Variants in ZNF69 observed in about 807,000 individuals in gnomAD.
The protein encoded by ZNF69 is zinc finger protein 69.
Under a neutral mutation model 50.9 loss-of-function variants are expected in ZNF69, and 47 were observed. The observed-to-expected ratio is 0.92, with a 90% CI of 0.73 to 1.18. The LOEUF (loss-of-function observed/expected upper bound fraction) is 1.18. Ranked by LOEUF, ZNF69 falls within the 50% of genes most tolerant of loss-of-function variation. The pLI, the probability that ZNF69 is intolerant of heterozygous loss-of-function variation, is 0.00. For synonymous variants in ZNF69, 216 were observed against 223.1 expected (o/e 0.97, Z 0.29); for missense variants, 717 against 675.1 (o/e 1.06, Z -0.69).
the ZNF69 span, among the ~76,000 whole-genome samples, chr19:11,967,840 T>A: frequency 6.6e-6 from 1 of 152,244 alleles, no homozygotes; most frequent in Non-Finnish European, 1.5e-5. Context: ...ATGTAAAGAC[T>A]AAACTAAGCT....
the ZNF69 span, among the ~76,000 whole-genome samples, chr19:11,921,754 C>T: frequency 2.0e-5 from 3 of 152,072 alleles, no homozygotes; most frequent in African/African-American, 7.2e-5. Flanking sequence ...CCACCTGCCT[C>T]GACCTCCCAA....
At chr19:11,978,017 C>G in the ZNF69 span, 1 of 1,440,782 alleles carries the variant, frequency 6.9e-7, no homozygotes, top group Non-Finnish European at 9.4e-7. Flanking sequence ...GGGCAGAAAG[C>G]CTACACCTTG....
chr19:11,965,060 G>C, the ZNF69 span: 1 of 975,276 alleles, frequency 1.0e-6, no homozygotes, highest in Non-Finnish European at 1.6e-6. Context: ...CTTTGTCCTT[G>C]CGCAGCCGGT....
chr19:11,950,334 AT>A, the ZNF69 span: 2 of 1,419,650 alleles, frequency 1.4e-6, no homozygotes, highest in Non-Finnish European at 9.7e-7. Flanking sequence ...AAACTTTCAC[AT>A]TTTCCAGTTC....
chr19:11,980,128 T>C, the ZNF69 span: 1 of 828,260 alleles, frequency 1.2e-6, no homozygotes, highest in Non-Finnish European at 1.9e-6. Context: ...ATGGTAGGAC[T>C]CACACTGGAT....
chr19:11,919,802 T>C, the ZNF69 span, among the ~76,000 whole-genome samples: 2 of 152,184 alleles, frequency 1.3e-5, no homozygotes, highest in African/African-American at 4.8e-5. Flanking sequence ...AGGAACAAAA[T>C]TGCTGGCAGC....
At chr19:11,935,261 G>C in the ZNF69 span, among the ~76,000 whole-genome samples, 20 of 110,656 alleles carry the variant, frequency 1.8e-4, no homozygotes, top group Non-Finnish European at 3.3e-4. Context: ...TTTTGAGACT[G>C]TGTCTGGCTC....
Position 11,905,690 on chromosome 19 carries a change from T to C in ZNF69, c.1293T>C (p.Leu431=), listed in dbSNP as rs995821631. Residue 431 remains leucine (L), a synonymous_variant, in exon 4 of 4, where the codon CTT becomes CTC. Coordinates refer to ENST00000429654, the MANE Select transcript of ZNF69 (RefSeq NM_001364730.1). The stretch of plus-strand genomic sequence containing the variant: ...AGGCCTTCAGATCTTCCTCACACCT[T>C]CAATTGCATGGTAGGACTCACACTG... ...CGKAFRSSSH[L]QLHGRTHTGE... The C allele has an allele frequency of 6.2e-7, 1 of 1,613,674 alleles. No homozygotes were observed. The highest frequency in any genetic ancestry group is 1.3e-5 in the African/African-American group (1 of 74,796).
At chr19:11,968,648 C>A in the ZNF69 span, among the ~76,000 whole-genome samples, 1 of 152,086 alleles carries the variant, frequency 6.6e-6, no homozygotes, top group Non-Finnish European at 1.5e-5. Flanking sequence ...ATTTAATATT[C>A]TAGCTGAAGA....
At chr19:11,977,694 A>G in the ZNF69 span, among the ~76,000 whole-genome samples, 4 of 152,186 alleles carry the variant, frequency 2.6e-5, no homozygotes, top group Admixed American at 2.6e-4. Flanking sequence ...CCACAAATCA[A>G]CAACAGCAAA....
At chr19:11,892,273 C>A (rs1977112969) in intron 1 of ZNF69, among the ~76,000 whole-genome samples, 1 of 151,926 alleles carries the variant, frequency 6.6e-6, no homozygotes, top group South Asian at 2.1e-4. Flanking sequence ...AGCCAGTGCA[C>A]CTGGCTAGCA....
the ZNF69 span, among the ~76,000 whole-genome samples, chr19:11,939,761 G>A: frequency 2.6e-5 from 4 of 151,250 alleles, no homozygotes; most frequent in Non-Finnish European, 5.9e-5. Flanking sequence ...ACACCTGGCT[G>A]CTACCATGAT....
chr19:11,959,633 C>G, the ZNF69 span, among the ~76,000 whole-genome samples: 2 of 152,160 alleles, frequency 1.3e-5, no homozygotes, highest in African/African-American at 4.8e-5. Flanking sequence ...GTAATTGATT[C>G]TCTTATTTCG....
the ZNF69 span, chr19:11,976,897 G>A: frequency 6.6e-7 from 1 of 1,523,290 alleles, no homozygotes; most frequent in Non-Finnish European, 8.8e-7. Context: ...ATGGAAGAAA[G>A]TACAGAAAGC....
At chr19:11,947,939 G>A in the ZNF69 span, among the ~76,000 whole-genome samples, 1 of 152,210 alleles carries the variant, frequency 6.6e-6, no homozygotes, top group Non-Finnish European at 1.5e-5. Flanking sequence ...GACTTCAGGA[G>A]TTAAAGGCTG....
At chr19:11,924,733 C>T in the ZNF69 span, among the ~76,000 whole-genome samples, 12 of 152,154 alleles carry the variant, frequency 7.9e-5, no homozygotes, top group Non-Finnish European at 1.5e-4. Flanking sequence ...CTGGCCTGGT[C>T]TCGGTTCCCC....
the ZNF69 span, among the ~76,000 whole-genome samples, chr19:11,952,419 CCTTT>C: frequency 3.3e-5 from 5 of 152,172 alleles, no homozygotes; most frequent in African/African-American, 7.2e-5. Flanking sequence ...TGAATACAAG[CCTTT>C]CTTTCTCTGA....
the ZNF69 span, among the ~76,000 whole-genome samples, chr19:11,931,893 A>G: frequency 6.7e-6 from 1 of 148,174 alleles, no homozygotes; most frequent in Non-Finnish European, 1.5e-5. Flanking sequence ...ATGCATGCAG[A>G]TAGCCTGAGT....
At chr19:11,925,016 T>G in the ZNF69 span, 12 of 521,568 alleles carry the variant, frequency 2.3e-5, no homozygotes, top group Admixed American at 1.0e-4. Flanking sequence ...GTCACTCAGA[T>G]GTGGGGGGCG....
Sources: gnomAD v4.1 joint callset for allele counts (sites outside exome capture counted in the v4.1 genomes callset) on GRCh38, gnomAD v4.1.1 for gene constraint, MANE v1.5 for transcripts, NCBI Gene and HGNC (gene_info 2026-07-23, HGNC 2026-07-21) for gene names.